Variants in GABRG3 observed in about 807,000 individuals in gnomAD.
GABRG3 encodes the protein gamma-aminobutyric acid type A receptor subunit gamma3.
GABRG3 carries 25 observed loss-of-function variants against 48.8 expected under a neutral mutation model. The observed-to-expected ratio is 0.51, with a 90% CI of 0.37 to 0.72. GABRG3 has a LOEUF of 0.72. GABRG3 is among the 30% of genes least tolerant of loss of function. The pLI is 0.00. For synonymous variants in GABRG3, 227 were observed against 217.6 expected (o/e 1.04, Z -0.38); for missense variants, 394 against 577.9 (o/e 0.68, Z 3.26).
rs962909018 is a variant in GABRG3, at chr15:27,225,260, G to T, written c.271-101549G>T. Among the ~76,000 whole-genome samples, 93 of 151,994 alleles carry T rather than the reference G, an allele frequency of 6.1e-4. 1 individual carries two copies. Among genetic ancestry groups the T allele is most frequent in the Non-Finnish European group, 1.5e-4 (10 of 68,014 alleles). On this transcript the variant is annotated intron_variant, in intron 3 of 9. Transcript: ENST00000615808. ...CTTCCCTTGTCCTTCCCATGACAGT[G>T]CCCATAAACTAAAGCACAGTTGCCT...
At chr15:27,190,089 G>T (rs548486842) in intron 3 of GABRG3, among the ~76,000 whole-genome samples, 357 of 152,260 alleles carry the variant, frequency 2.3e-3, no homozygotes, top group African/African-American at 8.3e-3. Context: ...CTTGATCATG[G>T]TGGATAAGCT....
intron 9 of GABRG3, among the ~76,000 whole-genome samples, chr15:27,528,477 TC>T (rs1241622796): frequency 6.6e-6 from 1 of 152,246 alleles, no homozygotes; most frequent in Non-Finnish European, 1.5e-5. Flanking sequence ...GCATTTACAT[TC>T]TTTTCACTAC....
chr15:27,015,223 A>T (rs908762030), intron 2 of GABRG3, among the ~76,000 whole-genome samples: 2 of 152,052 alleles, frequency 1.3e-5, no homozygotes, highest in African/African-American at 4.8e-5. Flanking sequence ...CCATTTAGTC[A>T]ATCTATATAT....
chr15:27,537,145 A>G lies in GABRG3; in HGVS notation c.*4264A>G, dbSNP rs921455586. ...TCTGTAAAAAAAAAAAAAAAAAAAA[A>G]GAATGGCTTAAGCTCCACATAATCT... On this transcript the variant is annotated 3_prime_UTR_variant, in exon 10 of 10. Transcript: ENST00000615808. 14 of 149,422 alleles carry G rather than the reference A, an allele frequency of 9.4e-5. No individual in the cohort carries two copies. Among genetic ancestry groups the G allele is most frequent in the African/African-American group, 3.5e-4 (14 of 39,574 alleles). 9.3% of individuals were successfully genotyped at this position (149,422 alleles called of 1,614,324 possible).
At chr15:27,167,418 A>G (rs1887413772) in intron 3 of GABRG3, among the ~76,000 whole-genome samples, 1 of 152,172 alleles carries the variant, frequency 6.6e-6, no homozygotes, top group Admixed American at 6.5e-5. Flanking sequence ...GCAAAAACCA[A>G]AATTAAAACC....
chr15:27,133,683 C>A (rs208176), intron 3 of GABRG3, among the ~76,000 whole-genome samples: 34,949 of 152,112 alleles, frequency 0.23, 4,657 homozygotes, highest in African/African-American at 0.35. Flanking sequence ...GTTTTTATGA[C>A]AATGAAGTTT....
chr15:27,377,727 G>A (rs895302076), intron 5 of GABRG3, among the ~76,000 whole-genome samples: 2 of 152,162 alleles, frequency 1.3e-5, no homozygotes, highest in African/African-American at 4.8e-5. Flanking sequence ...AATCATACCA[G>A]GCCATGAATG....
intron 3 of GABRG3, among the ~76,000 whole-genome samples, chr15:27,258,362 G>A (rs901163147): frequency 6.6e-6 from 1 of 152,148 alleles, no homozygotes; most frequent in African/African-American, 2.4e-5. Flanking sequence ...CTAGTTTCCA[G>A]GTTCACCTTG....
In GABRG3 at chr15:27,535,550, C is replaced by T. The variant is rs149228098; in HGVS notation, c.*2669C>T. Reference sequence around the variant, plus strand: ...AGGAGAACCTTCATCTCAAGAAAGTCCAATGGATTTCACTAACTGAGCATC... The same window carrying T: ...AGGAGAACCTTCATCTCAAGAAAGTTCAATGGATTTCACTAACTGAGCATC... On this transcript the variant is annotated 3_prime_UTR_variant, in exon 10 of 10. Coordinates refer to ENST00000615808, the MANE Select transcript of GABRG3 (RefSeq NM_033223.5). 181 of 152,302 alleles carry T rather than the reference C, an allele frequency of 1.2e-3. No individual in the cohort carries two copies. The highest frequency in any genetic ancestry group is 4.0e-3 in the African/African-American group (166 of 41,548). 9.4% of individuals were successfully genotyped at this position (152,302 alleles called of 1,614,324 possible).
chr15:26,982,037 T>C (rs577363412), intron 2 of GABRG3, among the ~76,000 whole-genome samples: 2 of 152,290 alleles, frequency 1.3e-5, no homozygotes, highest in East Asian at 3.9e-4. Context: ...GACTCTTAAC[T>C]TTTCCTTCCA....
rs555121622 is a variant in GABRG3 at position 27,026,357 on chromosome 15, T to C, written c.203-397T>C. Among the ~76,000 whole-genome samples, 8 of 152,352 alleles carry C rather than the reference T, an allele frequency of 5.3e-5. No homozygotes were observed. The South Asian group carries it at 1.7e-3, about 32-fold the overall frequency. On this transcript the variant is annotated intron_variant, in intron 2 of 9. Coordinates refer to ENST00000615808, the MANE Select transcript of GABRG3 (RefSeq NM_033223.5). ...AACAACGTCACTGACATTGCTCCTC[T>C]CTTGTGTTGAGTTTTATAGCAAAAC...
At chr15:27,091,505 C>G (rs891827157) in intron 3 of GABRG3, among the ~76,000 whole-genome samples, 1 of 152,132 alleles carries the variant, frequency 6.6e-6, no homozygotes, top group Non-Finnish European at 1.5e-5. Context: ...GTTTCCTCCT[C>G]TTCTATTTTT....
At chr15:27,308,785 A>G (rs1892869833) in intron 3 of GABRG3, among the ~76,000 whole-genome samples, 1 of 150,156 alleles carries the variant, frequency 6.7e-6, no homozygotes, top group African/African-American at 2.4e-5. Context: ...TATAAAACAC[A>G]ATGTAAACAT....
intron 3 of GABRG3, among the ~76,000 whole-genome samples, chr15:27,220,622 ACAACT>A (rs1889420246): frequency 6.6e-6 from 1 of 152,166 alleles, no homozygotes; most frequent in African/African-American, 2.4e-5. Context: ...TTTCTGAAAA[ACAACT>A]CAAGAACATA....
intron 3 of GABRG3, among the ~76,000 whole-genome samples, chr15:27,187,030 C>T (rs1407415205): frequency 6.6e-6 from 1 of 151,274 alleles, no homozygotes; most frequent in Non-Finnish European, 1.5e-5. Flanking sequence ...CCTAGGTTTT[C>T]CTCTGGGATT....
chr15:27,306,306 T>G lies in GABRG3; in HGVS notation c.271-20503T>G, dbSNP rs1005212524. 5.9e-5 allele frequency among the ~76,000 whole-genome samples: 8 copies of G among 136,668 alleles called. No individual in the cohort carries two copies. The South Asian group carries it at 1.8e-3, about 31-fold the overall frequency. The allele number at this position is 136,668 out of a possible 152,430, so 89.7% of individuals were successfully genotyped here. On this transcript the variant is annotated intron_variant, in intron 3 of 9. Coordinates refer to ENST00000615808, the MANE Select transcript of GABRG3 (RefSeq NM_033223.5). Reference sequence around the variant, plus strand: ...AAACATGTCTATATATAAACATATATATAATATAAACATGTCTATATATAA... The same window carrying G: ...AAACATGTCTATATATAAACATATAGATAATATAAACATGTCTATATATAA...
intron 3 of GABRG3, among the ~76,000 whole-genome samples, chr15:27,085,211 A>G (rs1208545040): frequency 6.6e-6 from 1 of 152,162 alleles, no homozygotes; most frequent in Non-Finnish European, 1.5e-5. Context: ...GTCTGACCTC[A>G]TGGGATGTCA....
intron 3 of GABRG3, among the ~76,000 whole-genome samples, chr15:27,224,449 T>C (rs1418534623): frequency 2.6e-5 from 4 of 152,148 alleles, no homozygotes; most frequent in Non-Finnish European, 2.9e-5. Flanking sequence ...AGGAAGCAGG[T>C]CCTCACCTGG....
chr15:27,318,506 T>A (rs1893309756), intron 3 of GABRG3, among the ~76,000 whole-genome samples: 4 of 152,140 alleles, frequency 2.6e-5, no homozygotes. Flanking sequence ...AGGGGAGGCC[T>A]GAGTCCAGCA....
Sources: allele counts gnomAD v4.1 joint callset (sites outside exome capture counted in the v4.1 genomes callset), GRCh38; gene constraint gnomAD v4.1.1; transcripts MANE v1.5; gene names NCBI Gene and HGNC (gene_info 2026-07-23, HGNC 2026-07-21).